The following SLC36A1 variants were observed in gnomAD, a reference collection of about 807,000 sequenced individuals.
The protein encoded by SLC36A1 is proton-coupled amino acid transporter 1.
A neutral mutation model predicts 47.5 loss-of-function variants in SLC36A1; 30 were observed. That is an observed-to-expected ratio of 0.63 (90% confidence interval 0.47 to 0.86). The LOEUF (loss-of-function observed/expected upper bound fraction) is 0.86, where lower values mean the gene tolerates loss of function less well. Ranked by LOEUF, SLC36A1 falls within the 40% of genes least tolerant of loss-of-function variation. SLC36A1 has a pLI of 0.00. For missense variants in SLC36A1, 517 were observed against 606.0 expected (o/e 0.85, Z 1.54); for synonymous variants, 255 against 249.7 (o/e 1.02, Z -0.20).
At chr5:151,521,480 G>A in the SLC36A1 span, 1 of 1,614,236 alleles carries the variant, frequency 6.2e-7, no homozygotes, top group Non-Finnish European at 8.5e-7. Context: ...TTGGCTGAGT[G>A]AGTGATGATG....
the SLC36A1 span, among the ~76,000 whole-genome samples, chr5:151,527,657 T>C: frequency 3.9e-5 from 6 of 152,088 alleles, no homozygotes; most frequent in Non-Finnish European, 5.9e-5. Flanking sequence ...ATTTTGAGGA[T>C]CAAATGGCAT....
intron 1 of SLC36A1, among the ~76,000 whole-genome samples, chr5:151,457,422 T>G (rs1485254441): frequency 6.6e-6 from 1 of 152,114 alleles, no homozygotes. Flanking sequence ...TCTTCTCTTT[T>G]GTGTAGTATT....
chr5:151,448,767 A>G (rs1753191422), intron 1 of SLC36A1, among the ~76,000 whole-genome samples: 1 of 152,240 alleles, frequency 6.6e-6, no homozygotes, highest in Non-Finnish European at 1.5e-5. Context: ...TTGGGGAATC[A>G]GGATATTTTG....
In SLC36A1 at chr5:151,492,171, G is replaced by C. The variant is rs1760178105; in HGVS notation, c.*3917G>C. 6.6e-6 allele frequency: 1 copy of C among 152,122 alleles called. No individual in the cohort carries two copies. Among genetic ancestry groups the C allele is most frequent in the Non-Finnish European group, 1.5e-5 (1 of 68,024 alleles). The allele number at this position is 152,122 out of a possible 1,614,324, so 9.4% of individuals were successfully genotyped here. On this transcript the variant is annotated 3_prime_UTR_variant, in exon 11 of 11. Transcript: ENST00000243389. ...TAACTCTATTGTAAAACATGTCAAT[G>C]GTGTGTGAAGAAAAATCAACCAATC... is the stretch of plus-strand genomic sequence containing the variant.
chr5:151,518,922 G>A, the SLC36A1 span, among the ~76,000 whole-genome samples: 1 of 152,206 alleles, frequency 6.6e-6, no homozygotes, highest in Non-Finnish European at 1.5e-5. Flanking sequence ...CTTGTCAGTT[G>A]TCAGGGGAGA....
chr5:151,539,909 G>A, the SLC36A1 span, among the ~76,000 whole-genome samples: 6 of 152,174 alleles, frequency 3.9e-5, no homozygotes, highest in Non-Finnish European at 7.3e-5. Context: ...TCTCGTGTTT[G>A]TGTCTCTGTA....
At chr5:151,551,643 A>G in the SLC36A1 span, 30 of 1,611,820 alleles carry the variant, frequency 1.9e-5, no homozygotes, top group Non-Finnish European at 2.5e-5. Context: ...ACACAACCTC[A>G]GTGATTTAGG....
At chr5:151,545,023 G>A in the SLC36A1 span, 2 of 1,614,206 alleles carry the variant, frequency 1.2e-6, no homozygotes, top group East Asian at 4.5e-5. Flanking sequence ...CAACTCATGA[G>A]TGTCCTGCTG....
At chr5:151,512,107 C>G in the SLC36A1 span, 1 of 1,525,770 alleles carries the variant, frequency 6.6e-7, no homozygotes, top group Non-Finnish European at 8.9e-7. This position sits in a 1 kb window ranked among gnomAD's most constrained non-coding sequence, Gnocchi z 4.1. Flanking sequence ...CATGCTTTTC[C>G]CACCTGAAGA....
chr5:151,374,399 G>A, the SLC36A1 span, among the ~76,000 whole-genome samples: 668 of 152,190 alleles, frequency 4.4e-3, 5 homozygotes, highest in Non-Finnish European at 6.7e-3. Flanking sequence ...GGTTCGAACC[G>A]ATACAAGAAC....
At chr5:151,454,837 C>A (rs1045349356) in intron 1 of SLC36A1, among the ~76,000 whole-genome samples, 1 of 151,868 alleles carries the variant, frequency 6.6e-6, no homozygotes, top group Non-Finnish European at 1.5e-5. Context: ...CTCAGCCTCC[C>A]GAGTAGCTGG....
the SLC36A1 span, chr5:151,546,463 C>G: frequency 3.1e-6 from 2 of 638,420 alleles, no homozygotes; most frequent in Non-Finnish European, 5.4e-6. Context: ...TAGTGTATAC[C>G]CACCCTGGAT....
At chr5:151,502,261 G>A in the SLC36A1 span, among the ~76,000 whole-genome samples, 11 of 147,036 alleles carry the variant, frequency 7.5e-5, no homozygotes, top group South Asian at 2.3e-3. Context: ...GCAGTAAGTC[G>A]AGACTGTGCC....
At chr5:151,473,911 G>T (rs1757672062) in intron 8 of SLC36A1, 140 bp downstream of exon 8, 3 of 697,390 alleles carry the variant, frequency 4.3e-6, no homozygotes, top group Non-Finnish European at 7.4e-6. Context: ...TGTAATCTCA[G>T]CACTTTGGGA....
the SLC36A1 span, among the ~76,000 whole-genome samples, chr5:151,516,185 A>G: frequency 9.2e-5 from 14 of 152,134 alleles, no homozygotes; most frequent in Admixed American, 9.2e-4. Context: ...TCTCAATGAA[A>G]GCTTCCCTGG....
At chr5:151,500,629 A>T in the SLC36A1 span, among the ~76,000 whole-genome samples, 1 of 152,154 alleles carries the variant, frequency 6.6e-6, no homozygotes, top group African/African-American at 2.4e-5. Flanking sequence ...CGGCCTCCCA[A>T]AGTGCTGGGA....
At chr5:151,545,895 C>G in the SLC36A1 span, 2 of 1,614,164 alleles carry the variant, frequency 1.2e-6, no homozygotes, top group Non-Finnish European at 1.7e-6. Flanking sequence ...TGTCAACCAC[C>G]ACCATGACAT....
the SLC36A1 span, among the ~76,000 whole-genome samples, chr5:151,517,084 G>A: frequency 2.6e-5 from 4 of 151,154 alleles, no homozygotes; most frequent in Non-Finnish European, 4.4e-5. Flanking sequence ...CTCCAGCCTC[G>A]GTGACAGAGA....
chr5:151,505,493 C>T, the SLC36A1 span: 13 of 1,579,942 alleles, frequency 8.2e-6, no homozygotes, highest in African/African-American at 5.4e-5. Flanking sequence ...CAACTCACCC[C>T]CTACGAGACA....
Sources: allele counts gnomAD v4.1 joint callset (sites outside exome capture counted in the v4.1 genomes callset), GRCh38; gene constraint gnomAD v4.1.1; non-coding constraint Gnocchi (gnomAD v3.1); transcripts MANE v1.5; gene names NCBI Gene and HGNC (gene_info 2026-07-23, HGNC 2026-07-21).